GNB1L: variants seen among roughly 807,000 people sequenced by gnomAD.
The protein encoded by GNB1L is guanine nucleotide-binding protein subunit beta-like protein 1.
A neutral mutation model predicts 29.1 loss-of-function variants in GNB1L; 20 were observed. The ratio of observed to expected loss-of-function variants is 0.69; its 90% CI spans 0.48 to 1.00. The LOEUF (loss-of-function observed/expected upper bound fraction) is 1.00. Ranked by LOEUF, GNB1L falls within the 50% of genes least tolerant of loss-of-function variation. GNB1L has a pLI of 0.00. For synonymous variants in GNB1L, 193 were observed against 206.5 expected, an observed-to-expected ratio of 0.93 and a Z score of 0.56; for missense variants, 421 against 464.9, an observed-to-expected ratio of 0.91 and a Z score of 0.87.
Position 19,851,371 on chromosome 22 carries a change from G to T in GNB1L, c.-21+3072C>A, listed in dbSNP as rs146626259. ...ACTCCGACAGTCTAGGGACAGGTGT[G>T]GGGGCTGCCTCCTCTGGCTGGGAAG... On this transcript the variant is annotated intron_variant, in intron 2 of 7. Transcript: ENST00000329517. The T allele has an allele frequency of 3.1e-5, 50 of 1,614,020 alleles. 1 individual carries two copies. The South Asian group carries it at 4.3e-4, about 14-fold the overall frequency.
chr22:19,844,150 G>T (rs928841489), intron 2 of GNB1L, among the ~76,000 whole-genome samples: 2 of 152,228 alleles, frequency 1.3e-5, no homozygotes, highest in African/African-American at 4.8e-5. Flanking sequence ...CCAGGTCTGT[G>T]CCGCCCCCTT....
intron 2 of GNB1L, chr22:19,848,691 T>C (rs774279511): frequency 6.9e-5 from 68 of 985,320 alleles, no homozygotes; most frequent in Non-Finnish European, 7.7e-5. Flanking sequence ...AGGTGGATGC[T>C]GCATGACTGG....
At chr22:19,789,282 C>T (rs2145858184) in intron 7 of GNB1L, among the ~76,000 whole-genome samples, 1 of 152,324 alleles carries the variant, frequency 6.6e-6, no homozygotes. Flanking sequence ...CCCCTCACCC[C>T]AGGGAAGCCA....
At chr22:19,804,574 T>A (rs1320510626) in intron 6 of GNB1L, among the ~76,000 whole-genome samples, 4 of 150,908 alleles carry the variant, frequency 2.7e-5, no homozygotes, top group African/African-American at 9.7e-5. Context: ...TTTAAATAAA[T>A]AAAAATGTGA....
intron 2 of GNB1L, chr22:19,848,307 AC>A: frequency 2.0e-6 from 2 of 985,318 alleles, no homozygotes; most frequent in Non-Finnish European, 2.4e-6. Flanking sequence ...TGTCCAGCAA[AC>A]CCTGCCAGGC....
At chr22:19,801,322 C>T (rs755235415) in intron 7 of GNB1L, among the ~76,000 whole-genome samples, 6 of 152,196 alleles carry the variant, frequency 3.9e-5, no homozygotes, top group Non-Finnish European at 8.8e-5. Context: ...GTCTCTGCAG[C>T]CCCTGAGACT....
intron 2 of GNB1L, among the ~76,000 whole-genome samples, chr22:19,836,867 C>T (rs1342524765): frequency 6.6e-6 from 1 of 152,012 alleles, no homozygotes; most frequent in Non-Finnish European, 1.5e-5. Flanking sequence ...ATTCAACATC[C>T]ATTCATGATT....
intron 7 of GNB1L, among the ~76,000 whole-genome samples, chr22:19,792,141 A>G (rs1313074332): frequency 6.6e-6 from 1 of 152,262 alleles, no homozygotes; most frequent in African/African-American, 2.4e-5. Context: ...CATGCTAAGA[A>G]GCAGGAATAT....
chr22:19,819,435 C>T (rs897835070), intron 4 of GNB1L, among the ~76,000 whole-genome samples: 3 of 152,218 alleles, frequency 2.0e-5, no homozygotes, highest in South Asian at 2.1e-4. Context: ...GGGCTCAATG[C>T]GGACCCCTGG....
chr22:19,821,704 G>A (rs1044939370), intron 2 of GNB1L, among the ~76,000 whole-genome samples: 2 of 152,170 alleles, frequency 1.3e-5, no homozygotes, highest in African/African-American at 2.4e-5. Flanking sequence ...ACCCGCTTGG[G>A]CCCCACCTGA....
intron 5 of GNB1L, among the ~76,000 whole-genome samples, chr22:19,811,600 C>T (rs1472547204): frequency 6.6e-6 from 1 of 152,146 alleles, no homozygotes; most frequent in Non-Finnish European, 1.5e-5. Flanking sequence ...GTGTGGATAC[C>T]ACTGTCCAGC....
chr22:19,848,432 ATC>A (rs1055067826), intron 2 of GNB1L: 3 of 985,384 alleles, frequency 3.0e-6, no homozygotes, highest in African/African-American at 3.5e-5. Context: ...CTTGGTCATC[ATC>A]TGTCTGAAAG....
chr22:19,820,748 T>C, intron 3 of GNB1L, 25 bp from the exon 4 acceptor site: 1 of 1,599,178 alleles, frequency 6.3e-7, no homozygotes, highest in Non-Finnish European at 8.6e-7. Flanking sequence ...CCGAGCAGGG[T>C]GTCAGGGGGC....
At chr22:19,817,715 G>A (rs1417007020) in intron 4 of GNB1L, among the ~76,000 whole-genome samples, 4 of 152,176 alleles carry the variant, frequency 2.6e-5, no homozygotes, top group Non-Finnish European at 1.5e-5. Context: ...TGGGGCATGA[G>A]GGGCTATCTC....
At chr22:19,808,321 A>G (rs1937460125) in intron 5 of GNB1L, among the ~76,000 whole-genome samples, 5 of 152,228 alleles carry the variant, frequency 3.3e-5, no homozygotes, top group Admixed American at 3.3e-4. Context: ...GGAGCCAACC[A>G]TCTGACGAAA....
At position 19,788,811 on chromosome 22, in the gene GNB1L, G is replaced by A. The variant is rs1469752046; in HGVS notation, c.882C>T (p.His294=). Residue 294 remains histidine (H), a synonymous_variant, in exon 8 of 8, where the codon CAC becomes CAT. Transcript: ENST00000329517. ...AGGCCACGCACTGGACAGCGGCGCT[G>A]TGGAAGGCCAGCACGGCCAGTGGCT... ...TMQPLAVLAF[H]SAAVQCVAFT... 5 of 1,612,592 alleles carry A rather than the reference G, an allele frequency of 3.1e-6. No individual in the cohort carries two copies. In the African/African-American group the frequency reaches 5.3e-5, roughly 17 times the overall value.
chr22:19,849,317 C>T, intron 2 of GNB1L: 1 of 976,656 alleles, frequency 1.0e-6, no homozygotes, highest in Non-Finnish European at 1.2e-6. Context: ...TGATAGTTAC[C>T]ATAAAATAAT....
At chr22:19,812,840 G>C (rs759758532) in intron 4 of GNB1L, among the ~76,000 whole-genome samples, 5 of 152,218 alleles carry the variant, frequency 3.3e-5, no homozygotes, top group Non-Finnish European at 4.4e-5. Flanking sequence ...GGAGAACAGA[G>C]GGGAGCCAAC....
At chr22:19,832,783 A>C (rs1250392518) in intron 2 of GNB1L, among the ~76,000 whole-genome samples, 1 of 152,196 alleles carries the variant, frequency 6.6e-6, no homozygotes, top group Non-Finnish European at 1.5e-5. Flanking sequence ...AGCTAAAAAA[A>C]GTTCCCCAAT....
Sources: gnomAD v4.1 joint callset for allele counts (sites outside exome capture counted in the v4.1 genomes callset) on GRCh38, gnomAD v4.1.1 for gene constraint, MANE v1.5 for transcripts, NCBI Gene and HGNC (gene_info 2026-07-23, HGNC 2026-07-21) for gene names.